The following ZNF26 variants were observed in gnomAD, a reference collection of about 807,000 sequenced individuals.
ZNF26 encodes zinc finger protein 26, also known as epididymis luminal protein 179.
Under a neutral mutation model 54.9 loss-of-function variants are expected in ZNF26, and 32 were observed. The ratio of observed to expected loss-of-function variants is 0.58; its 90% CI spans 0.44 to 0.78. The LOEUF (loss-of-function observed/expected upper bound fraction) is 0.78, where lower values mean the gene tolerates loss of function less well. Ranked by LOEUF, ZNF26 falls within the 30% of genes least tolerant of loss-of-function variation. The pLI is 0.00. For missense variants in ZNF26, 524 were observed against 634.0 expected, an observed-to-expected ratio of 0.83 and a Z score of 1.86; for synonymous variants, 221 against 209.2, an observed-to-expected ratio of 1.06 and a Z score of -0.49.
At chr12:133,008,785 A>G (rs887700536) in intron 3 of ZNF26, among the ~76,000 whole-genome samples, 1 of 151,702 alleles carries the variant, frequency 6.6e-6, no homozygotes, top group Admixed American at 6.6e-5. Flanking sequence ...CAAAAAAAAA[A>G]AAAAAAAAAA....
rs1243711467 is a variant in ZNF26 at position 133,023,910 on chromosome 12, CAT to C, written c.*12431_*12432del. On this transcript the variant is annotated 3_prime_UTR_variant, in exon 4 of 4. Transcript: ENST00000328654. Reference sequence around the variant, plus strand: ...TCAAATAATCCATATAGAGAAACCACATAGAGAGGCTCTGAGATTACATAAAG... The same window carrying C: ...TCAAATAATCCATATAGAGAAACCACAGAGAGGCTCTGAGATTACATAAAG... The C allele has an allele frequency of 2.0e-5, 3 of 152,206 alleles. No homozygotes were observed. The highest frequency in any genetic ancestry group is 4.4e-5 in the Non-Finnish European group (3 of 68,038). The allele number at this position is 152,206 out of a possible 1,614,324, so 9.4% of individuals were successfully genotyped here.
chr12:133,010,551 T>C lies in ZNF26; in HGVS notation c.672T>C (p.His224=). 6.2e-7 allele frequency: 1 copy of C among 1,614,182 alleles called. No homozygotes were observed. The highest frequency in any genetic ancestry group is 8.5e-7 in the Non-Finnish European group (1 of 1,180,030). ...KSNLNAHQRV[H]TGEKPYSCSE... ...ACCTTAATGCTCATCAGAGAGTTCATACAGGAGAAAAACCCTACTCATGTA... is the reference window on the plus strand; with the variant it reads ...ACCTTAATGCTCATCAGAGAGTTCACACAGGAGAAAAACCCTACTCATGTA... The change falls in exon 4 of 4, where the codon CAT becomes CAC. Residue 224 remains histidine, a synonymous_variant. Coordinates refer to ENST00000328654, the MANE Select transcript of ZNF26 (RefSeq NM_019591.4).
Position 133,016,059 on chromosome 12 carries a change from T to G in ZNF26, c.*4578T>G, listed in dbSNP as rs1207696120. ...AGATCTAAGGTTTATTGTGAAAAAG[T>G]GTAGGGGTAATTTTTTTTTTTTTTT... On this transcript the variant is annotated 3_prime_UTR_variant, in exon 4 of 4. Transcript: ENST00000328654. 6.7e-6 allele frequency: 1 copy of G among 148,750 alleles called. No individual in the cohort carries two copies. The highest frequency in any genetic ancestry group is 1.5e-5 in the Non-Finnish European group (1 of 67,746). The allele number at this position is 148,750 out of a possible 1,614,324, so 9.2% of individuals were successfully genotyped here.
rs1159761751 is a variant in ZNF26, at chr12:133,026,272, T to C, written c.*14791T>C. 1 of 152,080 alleles carries C rather than the reference T, an allele frequency of 6.6e-6. No individual in the cohort carries two copies. Among genetic ancestry groups the C allele is most frequent in the Non-Finnish European group, 1.5e-5 (1 of 68,048 alleles). 9.4% of individuals were successfully genotyped at this position (152,080 alleles called of 1,614,324 possible). On this transcript the variant is annotated 3_prime_UTR_variant, in exon 4 of 4. Transcript: ENST00000328654. ...CTCGCCACCATACTTGGCTAATTTT[T>C]GTATTTTTAGTAGAGATGGGGTTTC...
intron 1 of ZNF26, among the ~76,000 whole-genome samples, chr12:133,000,525 C>T (rs895105214): frequency 1.0e-4 from 15 of 149,454 alleles, no homozygotes; most frequent in Admixed American, 8.7e-4. Context: ...CCAGGGTTCA[C>T]GCCATTCTCC....
At chr12:132,990,335 T>G (rs1952921542) in intron 1 of ZNF26, among the ~76,000 whole-genome samples, 1 of 152,194 alleles carries the variant, frequency 6.6e-6, no homozygotes, top group African/African-American at 2.4e-5. Context: ...TTTTTCTTCT[T>G]TAGTCATTTG....
rs1162298397 is a variant in ZNF26 at position 133,019,586 on chromosome 12, G to A, written c.*8105G>A. 1 of 152,146 alleles carries A rather than the reference G, an allele frequency of 6.6e-6. No homozygotes were observed. The highest frequency in any genetic ancestry group is 2.1e-4 in the South Asian group (1 of 4,828). The allele number at this position is 152,146 out of a possible 1,614,324, so 9.4% of individuals were successfully genotyped here. On this transcript the variant is annotated 3_prime_UTR_variant, in exon 4 of 4. Coordinates refer to ENST00000328654, the MANE Select transcript of ZNF26 (RefSeq NM_019591.4). ...AAAGAACAGATGCTGGTGAGGATATGGAGGAAGGACAGCCCTCGTACACTG... is the reference window on the plus strand; with the variant it reads ...AAAGAACAGATGCTGGTGAGGATATAGAGGAAGGACAGCCCTCGTACACTG...
chr12:133,012,578 G>GATTTTTT lies in ZNF26; in HGVS notation c.*1097_*1098insATTTTTT, dbSNP rs1953501414. Reference sequence around the variant, plus strand: ...ATGTCTTTTGCTTTTTGTTGTTTGGGTTTTTTTTTTTTTTTTTTTTTTTTT... The same window carrying GATTTTTT: ...ATGTCTTTTGCTTTTTGTTGTTTGGGATTTTTTTTTTTTTTTTTTTTTTTTTTTTTTT... On this transcript the variant is annotated 3_prime_UTR_variant, in exon 4 of 4. Coordinates refer to ENST00000328654, the MANE Select transcript of ZNF26 (RefSeq NM_019591.4). The GATTTTTT allele has an allele frequency of 1.3e-4, 5 of 37,650 alleles. No homozygotes were observed. In the Admixed American group the frequency reaches 1.8e-3, roughly 13 times the overall value. The allele number at this position is 37,650 out of a possible 1,614,324, so 2.3% of individuals were successfully genotyped here. A position where few individuals can be genotyped will look rare whatever the true frequency, so the allele number is the denominator to read the frequency against.
chr12:132,992,766 G>A (rs926147291), intron 1 of ZNF26, among the ~76,000 whole-genome samples: 25 of 152,158 alleles, frequency 1.6e-4, no homozygotes, highest in Admixed American at 3.3e-4. Context: ...ACCACTGTGC[G>A]TCAGGCACCG....
intron 1 of ZNF26, chr12:133,006,609 T>C (rs371751824): frequency 2.6e-5 from 4 of 153,810 alleles, no homozygotes; most frequent in South Asian, 4.1e-4. Context: ...CTTTTTTTTT[T>C]TTTTAGATGG....
Position 133,020,269 on chromosome 12 carries a change from A to G in ZNF26, c.*8788A>G, listed in dbSNP as rs1953622272. Reference sequence around the variant, plus strand: ...ATAAGTGAAATAAGCCAAGCACAGAAAGACAAATATTGCATGTTCTCACTC... The same window carrying G: ...ATAAGTGAAATAAGCCAAGCACAGAGAGACAAATATTGCATGTTCTCACTC... On this transcript the variant is annotated 3_prime_UTR_variant, in exon 4 of 4. Coordinates refer to ENST00000328654, the MANE Select transcript of ZNF26 (RefSeq NM_019591.4). 6.6e-6 allele frequency: 1 copy of G among 152,212 alleles called. No individual in the cohort carries two copies. The highest frequency in any genetic ancestry group is 6.5e-5 in the Admixed American group (1 of 15,276). The allele number at this position is 152,212 out of a possible 1,614,324, so 9.4% of individuals were successfully genotyped here.
chr12:132,992,689 T>C (rs1952989421), intron 1 of ZNF26, among the ~76,000 whole-genome samples: 1 of 152,248 alleles, frequency 6.6e-6, no homozygotes, highest in South Asian at 2.1e-4. Flanking sequence ...AGCCTCATCA[T>C]AAGTTGGGGA....
chr12:133,010,709 A>G lies in ZNF26; in HGVS notation c.830A>G (p.Gln277Arg), dbSNP rs910080599. 13 of 1,613,464 alleles carry G rather than the reference A, an allele frequency of 8.1e-6. No individual in the cohort carries two copies. Among genetic ancestry groups the G allele is most frequent in the Non-Finnish European group, 1.1e-5 (13 of 1,179,714 alleles). ...TGGAAATCACAGCTTCTTTTACACC[A>G]GAGAAGTCACACAGGAGTGAAACCG... ...YSWKSQLLLHQRSHTGVKPYE... is the reference protein window; with the variant it reads ...YSWKSQLLLHRRSHTGVKPYE... The change falls in exon 4 of 4, where the codon CAG becomes CGG. Residue 277 changes from glutamine (Q) to arginine (R), a missense_variant. Transcript: ENST00000328654.
chr12:132,991,346 G>C (rs1952949811), intron 1 of ZNF26, among the ~76,000 whole-genome samples: 1 of 151,066 alleles, frequency 6.6e-6, no homozygotes, highest in South Asian at 2.1e-4. Flanking sequence ...AAATACAAAA[G>C]TTAGCGCCGG....
At position 132,986,793 on chromosome 12, in the gene ZNF26, G is replaced by A; in HGVS notation, c.-48G>A. On this transcript the variant is annotated 5_prime_UTR_variant, in exon 1 of 4. Coordinates refer to ENST00000328654, the MANE Select transcript of ZNF26 (RefSeq NM_019591.4). ...ACGCATCCCTCACGGTCTCTCCGCA[G>A]CCCGCGGGTCCTGCCCCCGCAGGCA... 6.4e-7 allele frequency: 1 copy of A among 1,572,234 alleles called. No individual in the cohort carries two copies. The highest frequency in any genetic ancestry group is 8.6e-7 in the Non-Finnish European group (1 of 1,157,950).
intron 1 of ZNF26, among the ~76,000 whole-genome samples, chr12:132,989,396 C>T (rs780640851): frequency 2.6e-5 from 4 of 152,218 alleles, no homozygotes; most frequent in South Asian, 4.1e-4. Context: ...TTATTCCTTC[C>T]TTCACAGTCA....
Position 133,018,401 on chromosome 12 carries a change from CT to C in ZNF26, c.*6922del, listed in dbSNP as rs1449075294. On this transcript the variant is annotated 3_prime_UTR_variant, in exon 4 of 4. Coordinates refer to ENST00000328654, the MANE Select transcript of ZNF26 (RefSeq NM_019591.4). ...ATAGGAATAATGGGTTTATAAAAGT[CT>C]TATTGGAATTAAGGTAGTATAAATC... is the stretch of plus-strand genomic sequence containing the variant. The C allele has an allele frequency of 3.3e-5, 5 of 152,048 alleles. No homozygotes were observed. The highest frequency in any genetic ancestry group is 4.4e-5 in the Non-Finnish European group (3 of 68,028). The allele number at this position is 152,048 out of a possible 1,614,324, so 9.4% of individuals were successfully genotyped here.
intron 3 of ZNF26, among the ~76,000 whole-genome samples, 153 bp downstream of exon 3, chr12:133,007,685 A>G (rs1326651503): frequency 1.3e-5 from 2 of 152,102 alleles, no homozygotes; most frequent in Non-Finnish European, 2.9e-5. Context: ...CTCCTCAGAT[A>G]AGGACATCGC....
rs759435586 is a variant in ZNF26, at chr12:133,011,725, T to G, written c.*244T>G. On this transcript the variant is annotated 3_prime_UTR_variant, in exon 4 of 4. Transcript: ENST00000328654. ...AATGTTGTAGTATCATCATGAAGAT[T>G]CAGAGAATTTACACTAGGAACACCT... 270 of 293,102 alleles carry G rather than the reference T, an allele frequency of 9.2e-4. 1 individual carries two copies. Among genetic ancestry groups the G allele is most frequent in the Admixed American group, 1.1e-3 (23 of 21,660 alleles). 18.2% of individuals were successfully genotyped at this position (293,102 alleles called of 1,614,324 possible). A position where few individuals can be genotyped will look rare whatever the true frequency, so the allele number is the denominator to read the frequency against.
Sources: gnomAD v4.1 joint callset for allele counts (sites outside exome capture counted in the v4.1 genomes callset) on GRCh38, gnomAD v4.1.1 for gene constraint, MANE v1.5 for transcripts, NCBI Gene and HGNC (gene_info 2026-07-23, HGNC 2026-07-21) for gene names.